RNF145: variants seen among roughly 807,000 people sequenced by gnomAD.
The protein encoded by RNF145 is ring finger protein 145.
In RNF145, 12 loss-of-function variants were observed where a neutral mutation model predicts 57.3. The ratio of observed to expected loss-of-function variants is 0.21; its 90% CI spans 0.13 to 0.34. The LOEUF (loss-of-function observed/expected upper bound fraction) is 0.34. RNF145 is among the 10% of genes least tolerant of loss of function. The probability of loss-of-function intolerance (pLI) is 1.00; values close to 1 mark genes in which losing one functional copy is unlikely to be tolerated. For missense variants in RNF145, 429 were observed against 799.0 expected, an observed-to-expected ratio of 0.54 and a Z score of 5.58; for synonymous variants, 262 against 288.3, an observed-to-expected ratio of 0.91 and a Z score of 0.92.
rs549933673 is a variant in RNF145, at chr5:159,175,467, T to TTAATATTCA, written c.621+1156_621+1164dup. On this transcript the variant is annotated intron_variant, in intron 5 of 10. Transcript: ENST00000424310. ...AAGGCTGAGGTTATTCAATAAATAT[T>TTAATATTCA]TAATATTCAATAAGTATTTACTGAA... Among the ~76,000 whole-genome samples the TTAATATTCA allele has an allele frequency of 1.7e-3, 255 of 152,300 alleles. 1 individual carries two copies. Among genetic ancestry groups the TTAATATTCA allele is most frequent in the Admixed American group, 5.5e-3 (84 of 15,288 alleles).
intron 1 of RNF145, among the ~76,000 whole-genome samples, chr5:159,208,365 A>C (rs1785976719): frequency 1.3e-5 from 2 of 152,150 alleles, no homozygotes; most frequent in African/African-American, 4.8e-5. Context: ...CGCGAAGAAA[A>C]ACGCGGGCGA....
chr5:159,159,088 T>A, intron 10 of RNF145, 53 bp from the exon 11 acceptor site: 1 of 1,521,608 alleles, frequency 6.6e-7, no homozygotes, highest in Non-Finnish European at 8.9e-7. Context: ...CTAGTATCTT[T>A]GGTGCTATCC....
At chr5:159,173,469 G>A (rs370658764) in intron 6 of RNF145, among the ~76,000 whole-genome samples, 1 of 152,076 alleles carries the variant, frequency 6.6e-6, no homozygotes, top group African/African-American at 2.4e-5. Context: ...CACAGGCTTC[G>A]AACTCAGGTG....
chr5:159,205,560 C>T (rs1434260597), intron 1 of RNF145, among the ~76,000 whole-genome samples: 1 of 152,138 alleles, frequency 6.6e-6, no homozygotes, highest in Non-Finnish European at 1.5e-5. Context: ...CTTTGGTGAG[C>T]AAACTGATAA....
chr5:159,165,248 G>A (rs1784354381), intron 8 of RNF145, among the ~76,000 whole-genome samples: 1 of 152,172 alleles, frequency 6.6e-6, no homozygotes, highest in Non-Finnish European at 1.5e-5. Context: ...TATATACCAT[G>A]TTCTCGCCCC....
intron 1 of RNF145, among the ~76,000 whole-genome samples, chr5:159,204,972 G>A (rs1453311467): frequency 4.6e-5 from 7 of 152,026 alleles, no homozygotes; most frequent in Non-Finnish European, 8.8e-5. Context: ...CAGGACAAAC[G>A]AAAACATTTA....
chr5:159,172,922 C>G (rs1784602230), intron 6 of RNF145, among the ~76,000 whole-genome samples: 1 of 152,108 alleles, frequency 6.6e-6, no homozygotes, highest in Non-Finnish European at 1.5e-5. Flanking sequence ...TTCATCCCTA[C>G]TTTTTAAAGT....
At chr5:159,194,860 T>G in intron 2 of RNF145, 36 bp from the exon 3 acceptor site, 2 of 1,388,608 alleles carry the variant, frequency 1.4e-6, no homozygotes, top group South Asian at 1.3e-5. Flanking sequence ...CAATTTTAAT[T>G]TAGTTTCCCA....
At chr5:159,187,587 A>G (rs956544224) in intron 3 of RNF145, among the ~76,000 whole-genome samples, 1 of 152,068 alleles carries the variant, frequency 6.6e-6, no homozygotes, top group Non-Finnish European at 1.5e-5. Context: ...TCAGCCTCCC[A>G]AAGTGCTGGG....
At chr5:159,202,128 G>A (rs753925780) in intron 2 of RNF145, among the ~76,000 whole-genome samples, 5 of 152,108 alleles carry the variant, frequency 3.3e-5, no homozygotes, top group African/African-American at 4.8e-5. Context: ...AACTTCAATT[G>A]TACTCGAAAA....
intron 2 of RNF145, among the ~76,000 whole-genome samples, chr5:159,200,797 T>C (rs527921276): frequency 9.9e-5 from 15 of 152,242 alleles, no homozygotes; most frequent in African/African-American, 3.6e-4. Flanking sequence ...CACAGAAAAG[T>C]GGGCAGGGTA....
intron 6 of RNF145, 39 bp downstream of exon 6, chr5:159,173,944 C>T: frequency 7.3e-7 from 1 of 1,363,030 alleles, no homozygotes; most frequent in South Asian, 1.9e-5. Flanking sequence ...TTTTCTCTTT[C>T]TAAGGTTATA....
At chr5:159,198,568 T>C (rs990889979) in intron 2 of RNF145, among the ~76,000 whole-genome samples, 1 of 152,100 alleles carries the variant, frequency 6.6e-6, no homozygotes, top group African/African-American at 2.4e-5. Flanking sequence ...CTGATGTTTC[T>C]AGCTTGGGTA....
chr5:159,159,505 G>T (rs1237402631), intron 10 of RNF145, among the ~76,000 whole-genome samples: 1 of 152,182 alleles, frequency 6.6e-6, no homozygotes, highest in Non-Finnish European at 1.5e-5. Context: ...TAATACCAGG[G>T]TATTGGCAAG....
chr5:159,168,025 G>A (rs1184182667), intron 8 of RNF145, among the ~76,000 whole-genome samples: 1 of 151,984 alleles, frequency 6.6e-6, no homozygotes, highest in Non-Finnish European at 1.5e-5. Context: ...AATGCAGATA[G>A]AGAACTAGAA....
intron 6 of RNF145, 106 bp downstream of exon 6, chr5:159,173,877 G>C: frequency 1.3e-6 from 1 of 765,554 alleles, no homozygotes; most frequent in South Asian, 3.1e-5. Context: ...AAAATACGAA[G>C]TTGTGTAACA....
rs368234283 is a variant in RNF145, at chr5:159,206,193, C to T, written c.-39-2537G>A. Among the ~76,000 whole-genome samples, 30 of 152,292 alleles carry T rather than the reference C, an allele frequency of 2.0e-4. 4 individuals carry two copies. The highest frequency in any genetic ancestry group is 7.8e-4 in the Admixed American group (12 of 15,300). ...AGATCCCCCTCTACTACATAGTCAACTCGAGACTGAAATGTTTTTAACAAG... is the reference window on the plus strand; with the variant it reads ...AGATCCCCCTCTACTACATAGTCAATTCGAGACTGAAATGTTTTTAACAAG... On this transcript the variant is annotated intron_variant, in intron 1 of 10. Coordinates refer to ENST00000424310, the MANE Select transcript of RNF145 (RefSeq NM_001199383.2).
chr5:159,173,157 A>T (rs1350314312), intron 6 of RNF145, among the ~76,000 whole-genome samples: 1 of 152,202 alleles, frequency 6.6e-6, no homozygotes, highest in Non-Finnish European at 1.5e-5. Context: ...TCCAAGCTTG[A>T]CTAACCTGCA....
chr5:159,179,820 G>C (rs1230726253), intron 4 of RNF145, among the ~76,000 whole-genome samples: 1 of 151,996 alleles, frequency 6.6e-6, no homozygotes, highest in Non-Finnish European at 1.5e-5. Flanking sequence ...CCTGCCCCTA[G>C]ATAAAATCCA....
Sources: gnomAD v4.1 joint callset for allele counts (sites outside exome capture counted in the v4.1 genomes callset) on GRCh38, gnomAD v4.1.1 for gene constraint, MANE v1.5 for transcripts, NCBI Gene and HGNC (gene_info 2026-07-23, HGNC 2026-07-21) for gene names.